The following ADCY6 variants were observed in gnomAD, a reference collection of about 807,000 sequenced individuals.
ADCY6 encodes adenylate cyclase 6.
A neutral mutation model predicts 111.6 loss-of-function variants in ADCY6; 59 were observed. The ratio of observed to expected loss-of-function variants is 0.53; its 90% confidence interval spans 0.43 to 0.66. The LOEUF (loss-of-function observed/expected upper bound fraction) is 0.66, where lower values mean the gene tolerates loss of function less well. Ranked by LOEUF, ADCY6 falls within the 30% of genes least tolerant of loss-of-function variation. The probability of loss-of-function intolerance (pLI) is 0.00; values close to 1 mark genes in which losing one functional copy is unlikely to be tolerated. For missense variants in ADCY6, 1,242 were observed against 1,595.6 expected (o/e 0.78, Z 3.78); for synonymous variants, 576 against 642.9 (o/e 0.90, Z 1.57).
In ADCY6 at chr12:48,768,083, A is replaced by G. The variant is rs1941423547; in HGVS notation, c.*508T>C. 1.1e-5 allele frequency: 2 copies of G among 178,556 alleles called. No individual in the cohort carries two copies. Among genetic ancestry groups the G allele is most frequent in the South Asian group, 2.4e-4 (2 of 8,452 alleles). The allele number at this position is 178,556 out of a possible 1,614,324, so 11.1% of individuals were successfully genotyped here. ...GAGGGACACCTGGCTGGGGTGGGGAAGTGCCCAGGACCAGTGCTGGGGATG... is the reference window on the plus strand; with the variant it reads ...GAGGGACACCTGGCTGGGGTGGGGAGGTGCCCAGGACCAGTGCTGGGGATG... On this transcript the variant is annotated 3_prime_UTR_variant, in exon 22 of 22. Coordinates refer to ENST00000357869, the MANE Select transcript of ADCY6 (RefSeq NM_015270.5).
rs992424030 is a variant in ADCY6, at chr12:48,778,514, T to C, written c.865-257A>G. The C allele has an allele frequency of 7.8e-5, 37 of 474,274 alleles. No homozygotes were observed. The East Asian group carries it at 1.5e-3, about 19-fold the overall frequency. The allele number at this position is 474,274 out of a possible 1,614,324, so 29.4% of individuals were successfully genotyped here. A position where few individuals can be genotyped will look rare whatever the true frequency, so the allele number is the denominator to read the frequency against. ...CAGCTTCTGGAAGCAGAAGACCAAC[T>C]AGGGCCAGATAAGTCATGGGGCCCA... On this transcript the variant is annotated intron_variant, in intron 2 of 21. Coordinates refer to ENST00000357869, the MANE Select transcript of ADCY6 (RefSeq NM_015270.5).
Position 48,783,346 on chromosome 12 carries a change from C to A in ADCY6, c.89G>T (p.Arg30Leu). Residue 30 changes from arginine to leucine, a missense_variant, in exon 2 of 22, where the codon CGC becomes CTC. Arg to Leu is a moderately radical substitution (Grantham distance 102). Transcript: ENST00000357869. Reference protein sequence around the residue: ...GERNGQKRSRRRGTRAGGFCT... With the variant: ...GERNGQKRSRLRGTRAGGFCT... ...GAAGCCACCTGCCCGAGTGCCACGG[C>A]GCCGCGAACGCTTCTGCCCATTGCG... The A allele has an allele frequency of 6.2e-7, 1 of 1,614,122 alleles. No individual in the cohort carries two copies. Among genetic ancestry groups the A allele is most frequent in the South Asian group, 1.1e-5 (1 of 91,086 alleles).
At chr12:48,775,115 G>C (rs554161339) in intron 11 of ADCY6, 61 bp from the exon 12 acceptor site, 1 of 1,483,928 alleles carries the variant, frequency 6.7e-7, no homozygotes, top group East Asian at 2.5e-5. Flanking sequence ...GGGACAGCAA[G>C]GACAGGGCAC....
At chr12:48,774,129 C>A in intron 14 of ADCY6, 31 bp from the exon 15 acceptor site, 2 of 1,586,480 alleles carry the variant, frequency 1.3e-6, no homozygotes, top group Non-Finnish European at 1.7e-6. Flanking sequence ...ATCAGGGTAA[C>A]CAAGGAGGGA....
chr12:48,768,779 C>T (rs1941442907), intron 21 of ADCY6, 63 bp from the exon 22 acceptor site: 1 of 1,591,064 alleles, frequency 6.3e-7, no homozygotes, highest in Admixed American at 1.7e-5. Context: ...TGCAGGGGCC[C>T]AGGGGTTCTC....
rs1364763515 is a variant in ADCY6 at position 48,766,707 on chromosome 12, G to A, written c.*1884C>T. 1 of 152,650 alleles carries A rather than the reference G, an allele frequency of 6.6e-6. No homozygotes were observed. Among genetic ancestry groups the A allele is most frequent in the East Asian group, 1.9e-4 (1 of 5,194 alleles). The allele number at this position is 152,650 out of a possible 1,614,324, so 9.5% of individuals were successfully genotyped here. A position where few individuals can be genotyped will look rare whatever the true frequency, so the allele number is the denominator to read the frequency against. On this transcript the variant is annotated 3_prime_UTR_variant, in exon 22 of 22. Transcript: ENST00000357869. Reference sequence around the variant, plus strand: ...AACCAGGCCTCCACAGGGAGCTGGTGTCAGAAGGGGCATGAGGAGGGGCAA... The same window carrying A: ...AACCAGGCCTCCACAGGGAGCTGGTATCAGAAGGGGCATGAGGAGGGGCAA...
intron 20 of ADCY6, among the ~76,000 whole-genome samples, chr12:48,770,063 ATTTTTTTTT>A (rs35784184): frequency 8.9e-6 from 1 of 112,912 alleles, no homozygotes; most frequent in African/African-American, 3.5e-5. Context: ...GCCCGGCCTA[ATTTTTTTTT>A]TTTTTTTTTT....
At position 48,770,989 on chromosome 12, in the gene ADCY6, C is replaced by T. The variant is rs760050179; in HGVS notation, c.3052-19G>A. ...TGATAATCTGAACAACACAAGGAGA[C>T]CTGGCTGTCAAGGCAAAGACCCCAG... On this transcript the variant is annotated intron_variant, in intron 19 of 21. Transcript: ENST00000357869. 3 of 1,609,010 alleles carry T rather than the reference C, an allele frequency of 1.9e-6. No homozygotes were observed. Among genetic ancestry groups the T allele is most frequent in the Non-Finnish European group, 2.6e-6 (3 of 1,176,258 alleles).
chr12:48,781,535 A>G (rs1367010385), intron 2 of ADCY6, among the ~76,000 whole-genome samples: 1 of 152,050 alleles, frequency 6.6e-6, no homozygotes, highest in African/African-American at 2.4e-5. Context: ...TCTGAAAGGG[A>G]CTTCCCAGAA....
chr12:48,772,602 C>T, intron 16 of ADCY6, 59 bp from the exon 17 acceptor site: 4 of 1,596,390 alleles, frequency 2.5e-6, no homozygotes, highest in South Asian at 1.1e-5. Context: ...TGGGTGGGCA[C>T]ATGGAAGGGG....
rs1036310665 is a variant in ADCY6 at position 48,777,024 on chromosome 12, C to T, written c.1376+80G>A. On this transcript the variant is annotated intron_variant, in intron 6 of 21. Transcript: ENST00000357869. This position sits in a 1 kb window ranked among gnomAD's most constrained non-coding sequence, Gnocchi z 4.9. ...CAGAGAAAGCCAAAACTGAGGAAAT[C>T]TCCTGAGGTCTCATCAAAAAGTAGG... 1 of 1,503,752 alleles carries T rather than the reference C, an allele frequency of 6.7e-7. No individual in the cohort carries two copies. Among genetic ancestry groups the T allele is most frequent in the Admixed American group, 2.3e-5 (1 of 44,444 alleles). The allele number at this position is 1,503,752 out of a possible 1,614,324, so 93.2% of individuals were successfully genotyped here.
In ADCY6 at chr12:48,773,656, G is replaced by A. The variant is rs1474514951; in HGVS notation, c.2443-9C>T. ...ATGTTCCCGATGAAGTACTGCGGGG[G>A]TGGCAGAGGCAGCGTTGGGTGAAGG... On this transcript the variant is annotated splice_polypyrimidine_tract_variant and intron_variant, in intron 15 of 21. Transcript: ENST00000357869. The A allele has an allele frequency of 6.2e-7, 1 of 1,613,960 alleles. No individual in the cohort carries two copies. Among genetic ancestry groups the A allele is most frequent in the South Asian group, 1.1e-5 (1 of 91,080 alleles).
At chr12:48,784,670 T>TTTG (rs904153933) in intron 1 of ADCY6, among the ~76,000 whole-genome samples, 2 of 135,322 alleles carry the variant, frequency 1.5e-5, no homozygotes, top group African/African-American at 5.7e-5. Context: ...CTGGAGTTTT[T>TTTG]TTTTTTTTTT....
intron 9 of ADCY6, 39 bp downstream of exon 9, chr12:48,775,924 G>GA (rs1378068577): frequency 3.2e-6 from 5 of 1,572,740 alleles, no homozygotes; most frequent in Non-Finnish European, 4.3e-6. Flanking sequence ...AGGGAGCTAA[G>GA]AAAATGAGGC....
chr12:48,772,213 A>C, intron 18 of ADCY6, 82 bp downstream of exon 18: 1 of 1,525,012 alleles, frequency 6.6e-7, no homozygotes, highest in Admixed American at 2.1e-5. Context: ...AGCCTTAGCC[A>C]GCTAGCACAA....
chr12:48,784,808 C>T (rs1451111792), intron 1 of ADCY6, among the ~76,000 whole-genome samples: 2 of 151,650 alleles, frequency 1.3e-5, no homozygotes, highest in Non-Finnish European at 2.9e-5. Context: ...GGACTACAGG[C>T]GCCTGCCACC....
In ADCY6 at chr12:48,775,453, G is replaced by A. The variant is rs1297343259; in HGVS notation, c.1833-3C>T. ...TCAGGGCATCTTGGGTGCCCCGGCTGAGGGCAGGAGACATGGTTTCACCAG... is the reference window on the plus strand; with the variant it reads ...TCAGGGCATCTTGGGTGCCCCGGCTAAGGGCAGGAGACATGGTTTCACCAG... On this transcript the variant is annotated splice_region_variant and splice_polypyrimidine_tract_variant and intron_variant, in intron 10 of 21. Coordinates refer to ENST00000357869, the MANE Select transcript of ADCY6 (RefSeq NM_015270.5). The A allele has an allele frequency of 2.5e-6, 4 of 1,613,870 alleles. No individual in the cohort carries two copies. The highest frequency in any genetic ancestry group is 2.7e-5 in the African/African-American group (2 of 74,900).
At chr12:48,778,079 C>T in intron 3 of ADCY6, 29 bp downstream of exon 3, 1 of 1,587,078 alleles carries the variant, frequency 6.3e-7, no homozygotes, top group Admixed American at 1.8e-5. Flanking sequence ...AAGGTGGGGG[C>T]AGGCCCTGGT....
chr12:48,775,838 C>G, intron 9 of ADCY6, 125 bp downstream of exon 9: 1 of 1,514,062 alleles, frequency 6.6e-7, no homozygotes, highest in South Asian at 1.2e-5. Flanking sequence ...ATGAAATCTT[C>G]TCACTGCCCC....
Sources: gnomAD v4.1 joint callset for allele counts (sites outside exome capture counted in the v4.1 genomes callset) on GRCh38, gnomAD v4.1.1 for gene constraint, Gnocchi (gnomAD v3.1) non-coding constraint, MANE v1.5 for transcripts, NCBI Gene and HGNC (gene_info 2026-07-23, HGNC 2026-07-21) for gene names.